Variants in CRISPLD1 observed in about 807,000 individuals in gnomAD.
CRISPLD1 encodes the protein cysteine-rich secretory protein LCCL domain-containing 1.
Under a neutral mutation model 77.5 loss-of-function variants are expected in CRISPLD1, and 60 were observed. The ratio of observed to expected loss-of-function variants is 0.77; its 90% CI spans 0.63 to 0.96. CRISPLD1 has a LOEUF of 0.96. Among genes scored for constraint, CRISPLD1 ranks in the 40% least tolerant of loss-of-function variants. The pLI is 0.00. For missense variants in CRISPLD1, 623 were observed against 615.8 expected (o/e 1.01, Z -0.12); for synonymous variants, 195 against 200.1 (o/e 0.97, Z 0.22).
Position 74,986,207 on chromosome 8 carries a change from A to C in CRISPLD1, c.220A>C (p.Ser74Arg), listed in dbSNP as rs1233778415. Residue 74 changes from serine to arginine, a missense_variant, in exon 2 of 15, where the codon AGT (serine) becomes CGT (arginine). By Grantham distance (110) the Ser-to-Arg change is moderately radical (BLOSUM62 -1). Coordinates refer to ENST00000262207, the MANE Select transcript of CRISPLD1 (RefSeq NM_031461.6). The stretch of plus-strand genomic sequence containing the variant: ...TTTGGACCTTCATAATAAATTACGA[A>C]GTCAGGTGTATCCAACAGCCTCTAA... ...SILDLHNKLR[S>R]QVYPTASNME... 1 of 1,614,058 alleles carries C rather than the reference A, an allele frequency of 6.2e-7. No homozygotes were observed. Among genetic ancestry groups the C allele is most frequent in the African/African-American group, 1.3e-5 (1 of 74,930 alleles).
At chr8:74,992,500 A>G (rs113810818) in intron 2 of CRISPLD1, among the ~76,000 whole-genome samples, 7 of 152,364 alleles carry the variant, frequency 4.6e-5, no homozygotes, top group African/African-American at 1.4e-4. Context: ...GTTTGCTACT[A>G]TACAAAGTGT....
intron 2 of CRISPLD1, among the ~76,000 whole-genome samples, chr8:74,986,629 G>A (rs1054950948): frequency 5.3e-5 from 8 of 152,086 alleles, no homozygotes; most frequent in Non-Finnish European, 1.5e-5. Context: ...ACTAATAATC[G>A]GAAGAAACTT....
rs371453069 is a variant in CRISPLD1, at chr8:75,016,918, G to A, written c.906G>A (p.Gln302=). The A allele has an allele frequency of 6.4e-7, 1 of 1,570,590 alleles. No homozygotes were observed. The highest frequency in any genetic ancestry group is 8.6e-7 in the Non-Finnish European group (1 of 1,156,278). ...IVSCEVRLRD[Q]CKGTTCNRYE... The stretch of plus-strand genomic sequence containing the variant: ...CTTGTGAAGTAAGATTAAGAGATCA[G>A]TGCAAAGGAACAACCTGCAATAGGT... The change falls in exon 8 of 15, where the codon CAG becomes CAA. Residue 302 remains glutamine (Q), a synonymous_variant. Transcript: ENST00000262207.
At chr8:75,006,354 C>G (rs756045399) in intron 2 of CRISPLD1, among the ~76,000 whole-genome samples, 3 of 152,102 alleles carry the variant, frequency 2.0e-5, no homozygotes, top group African/African-American at 4.8e-5. Context: ...AAAAGTTGTA[C>G]AACAAATTCA....
chr8:74,992,238 T>TATCG (rs1812583536), intron 2 of CRISPLD1, among the ~76,000 whole-genome samples: 1 of 152,156 alleles, frequency 6.6e-6, no homozygotes, highest in Non-Finnish European at 1.5e-5. Flanking sequence ...AAACCAGAGA[T>TATCG]ATCGATGTGG....
At chr8:74,994,787 A>G (rs1023994576) in intron 2 of CRISPLD1, among the ~76,000 whole-genome samples, 1 of 152,144 alleles carries the variant, frequency 6.6e-6, no homozygotes, top group Admixed American at 6.5e-5. Context: ...ATTTTATTTC[A>G]TTTTGGAGGC....
chr8:75,007,908 G>A (rs1812862818), intron 2 of CRISPLD1, among the ~76,000 whole-genome samples: 1 of 151,798 alleles, frequency 6.6e-6, no homozygotes, highest in Admixed American at 6.6e-5. Context: ...GGAACTCCTG[G>A]CCTCAAGTGA....
chr8:75,012,290 C>T, intron 2 of CRISPLD1, 143 bp from the exon 3 acceptor site: 2 of 630,612 alleles, frequency 3.2e-6, no homozygotes, highest in South Asian at 4.1e-5. Context: ...ACTTAGATGA[C>T]TTTTGAGTCT....
In CRISPLD1 at chr8:75,014,053, G is replaced by A. The variant is rs113000362; in HGVS notation, c.577G>A (p.Gly193Arg). ...TTTGTGTCATAACATGAACATCTGG[G>A]GGCAGATATGGCCCAAAGCTGTCTA... ...INLCHNMNIW[G>R]QIWPKAVYLV... Residue 193 changes from glycine to arginine, a missense_variant, in exon 5 of 15, where the codon GGG becomes AGG. By Grantham distance (125) the Gly-to-Arg change is moderately radical. Transcript: ENST00000262207. The A allele has an allele frequency of 4.3e-6, 7 of 1,613,128 alleles. No homozygotes were observed. The highest frequency in any genetic ancestry group is 5.9e-6 in the Non-Finnish European group (7 of 1,179,414).
chr8:75,012,370 CTG>C, intron 2 of CRISPLD1, 61 bp from the exon 3 acceptor site: 4 of 926,758 alleles, frequency 4.3e-6, no homozygotes, highest in South Asian at 2.6e-5. Flanking sequence ...CTGCTCAACA[CTG>C]TGTTCTGCAG....
chr8:75,013,530 A>G lies in CRISPLD1; in HGVS notation c.511-457A>G, dbSNP rs1467083277. ...GATTGATTGTTCTGTATGCTTTTGC[A>G]TGTGATAAGATTGACCAGCATCAAA... On this transcript the variant is annotated intron_variant, in intron 4 of 14. Coordinates refer to ENST00000262207, the MANE Select transcript of CRISPLD1 (RefSeq NM_031461.6). 3.3e-5 allele frequency among the ~76,000 whole-genome samples: 5 copies of G among 152,106 alleles called. No homozygotes were observed. The East Asian group carries it at 9.7e-4, about 29-fold the overall frequency.
intron 2 of CRISPLD1, among the ~76,000 whole-genome samples, chr8:74,987,969 G>A (rs1277379837): frequency 6.6e-6 from 1 of 152,106 alleles, no homozygotes; most frequent in Non-Finnish European, 1.5e-5. Context: ...GTTTATATGA[G>A]TTTCTTTTTA....
chr8:75,005,362 G>A (rs1812810707), intron 2 of CRISPLD1, among the ~76,000 whole-genome samples: 1 of 151,922 alleles, frequency 6.6e-6, no homozygotes, highest in African/African-American at 2.4e-5. Flanking sequence ...TAGAGATAAG[G>A]AAATAGAAAC....
rs557725207 is a variant in CRISPLD1, at chr8:75,006,789, C to T, written c.259-5644C>T. On this transcript the variant is annotated intron_variant, in intron 2 of 14. Transcript: ENST00000262207. Reference sequence around the variant, plus strand: ...GGTCTCTGTGGTAGACTAATTACAACTTACCAAACAACTTTGTGGATAAAT... The same window carrying T: ...GGTCTCTGTGGTAGACTAATTACAATTTACCAAACAACTTTGTGGATAAAT... 1.4e-3 allele frequency among the ~76,000 whole-genome samples: 208 copies of T among 152,094 alleles called. 1 individual carries two copies. Among genetic ancestry groups the T allele is most frequent in the African/African-American group, 4.9e-3 (202 of 41,488 alleles).
intron 2 of CRISPLD1, chr8:75,000,097 T>A (rs1812712940): frequency 1.0e-6 from 1 of 976,692 alleles, no homozygotes; most frequent in Non-Finnish European, 1.2e-6. Context: ...TGGGAGTTAC[T>A]GTTTCTGGAA....
At chr8:75,029,547 T>C in intron 14 of CRISPLD1, 30 bp downstream of exon 14, 1 of 1,592,844 alleles carries the variant, frequency 6.3e-7, no homozygotes, top group Non-Finnish European at 8.6e-7. Context: ...ATGTATACTT[T>C]TAAATACCAT....
intron 3 of CRISPLD1, 140 bp downstream of exon 3, chr8:75,012,691 C>T (rs1049075867): frequency 1.2e-6 from 1 of 803,140 alleles, no homozygotes. Flanking sequence ...AAATAAATGC[C>T]ACACCAGAAC....
intron 2 of CRISPLD1, among the ~76,000 whole-genome samples, chr8:75,009,860 C>T (rs2128784427): frequency 6.6e-6 from 1 of 152,208 alleles, no homozygotes; most frequent in Admixed American, 6.5e-5. Context: ...ATAGTGACCA[C>T]AACTTGAATT....
chr8:74,992,241 C>T (rs569617660), intron 2 of CRISPLD1, among the ~76,000 whole-genome samples: 43 of 152,068 alleles, frequency 2.8e-4, no homozygotes, highest in Non-Finnish European at 3.7e-4. Flanking sequence ...CCAGAGATAT[C>T]GATGTGGGAA....
Sources: gnomAD v4.1 joint callset for allele counts (sites outside exome capture counted in the v4.1 genomes callset) on GRCh38, gnomAD v4.1.1 for gene constraint, MANE v1.5 for transcripts, NCBI Gene and HGNC (gene_info 2026-07-23, HGNC 2026-07-21) for gene names.